The following GRB10 variants were observed in gnomAD, a reference collection of about 807,000 sequenced individuals.
GRB10 encodes growth factor receptor-bound protein 10.
A neutral mutation model predicts 80.9 loss-of-function variants in GRB10; 20 were observed. That is an observed-to-expected ratio of 0.25 (90% CI 0.17 to 0.36). The LOEUF is 0.36. Ranked by LOEUF, GRB10 falls within the 10% of genes least tolerant of loss-of-function variation. The pLI, the probability that GRB10 is intolerant of heterozygous loss-of-function variation, is 1.00. For synonymous variants in GRB10, 291 were observed against 291.5 expected (o/e 1.00, Z 0.02); for missense variants, 548 against 747.7 (o/e 0.73, Z 3.12).
chr7:50,705,159 G>A, intron 4 of GRB10: 1 of 985,656 alleles, frequency 1.0e-6, no homozygotes, highest in South Asian at 4.7e-5. Context: ...AACAGGTTTA[G>A]GTCTGGTCAA....
chr7:50,630,428 C>T (rs1282734582), intron 7 of GRB10, among the ~76,000 whole-genome samples: 1 of 152,202 alleles, frequency 6.6e-6, no homozygotes, highest in Non-Finnish European at 1.5e-5. Flanking sequence ...GAGATACCCT[C>T]TTGAAAAGAT....
At chr7:50,735,323 A>G (rs1013127074) in intron 3 of GRB10, among the ~76,000 whole-genome samples, 1 of 152,258 alleles carries the variant, frequency 6.6e-6, no homozygotes, top group Non-Finnish European at 1.5e-5. Flanking sequence ...ACGGTAAGAC[A>G]TGCTGTGTTG....
At chr7:50,752,372 C>A (rs1465893773) in intron 3 of GRB10, among the ~76,000 whole-genome samples, 2 of 152,164 alleles carry the variant, frequency 1.3e-5, no homozygotes, top group Non-Finnish European at 2.9e-5. Flanking sequence ...ACGGGAAAGG[C>A]TATGGGACAC....
intron 5 of GRB10, among the ~76,000 whole-genome samples, chr7:50,703,480 C>T (rs2064526982): frequency 6.6e-6 from 1 of 152,178 alleles, no homozygotes; most frequent in Non-Finnish European, 1.5e-5. Flanking sequence ...CCAAAACCGT[C>T]TTAATTGGAA....
intron 1 of GRB10, among the ~76,000 whole-genome samples, chr7:50,792,154 G>A (rs753092244): frequency 6.6e-6 from 1 of 152,136 alleles, no homozygotes; most frequent in Non-Finnish European, 1.5e-5. Context: ...AGTGTTCTAG[G>A]CCTGGCCTTT....
chr7:50,690,249 T>C (rs1333030804), intron 5 of GRB10, among the ~76,000 whole-genome samples: 1 of 151,662 alleles, frequency 6.6e-6, no homozygotes, highest in Non-Finnish European at 1.5e-5. Flanking sequence ...TGAGTCAAGA[T>C]CGTGCCACTG....
At chr7:50,686,291 T>C (rs1203418554) in intron 5 of GRB10, among the ~76,000 whole-genome samples, 2 of 152,122 alleles carry the variant, frequency 1.3e-5, no homozygotes, top group African/African-American at 4.8e-5. Context: ...CCATCTGTGA[T>C]GCAGAGGGAG....
At chr7:50,760,055 A>G (rs931108698) in intron 2 of GRB10, among the ~76,000 whole-genome samples, 6 of 152,346 alleles carry the variant, frequency 3.9e-5, no homozygotes, top group African/African-American at 7.2e-5. Flanking sequence ...CCACCAGCCG[A>G]GCAAGCACAA....
intron 9 of GRB10, among the ~76,000 whole-genome samples, chr7:50,618,411 G>C (rs2190500): frequency 0.083 from 12,625 of 152,250 alleles, 792 homozygotes; most frequent in South Asian, 0.13. Flanking sequence ...CCATGGCAAA[G>C]AGCGATGCCA....
intron 7 of GRB10, among the ~76,000 whole-genome samples, chr7:50,666,432 C>T (rs1423617162): frequency 6.6e-6 from 1 of 152,154 alleles, no homozygotes; most frequent in Non-Finnish European, 1.5e-5. Flanking sequence ...CAGAATTTTC[C>T]CTCCCCTCCT....
rs73124719 is a variant in GRB10 at position 50,729,838 on chromosome 7, T to C, written c.51+2434A>G. Among the ~76,000 whole-genome samples, 1,441 of 151,436 alleles carry C rather than the reference T, an allele frequency of 9.5e-3. 16 individuals are homozygous for C. The highest frequency in any genetic ancestry group is 0.017 in the Non-Finnish European group (1,120 of 67,872). ...TCACTTGCCAGTTGTTCCATGTCTG[T>C]CTCCTCCACTGGAATCCAGGAGCCC... On this transcript the variant is annotated intron_variant, in intron 4 of 18. Coordinates refer to ENST00000401949, the MANE Select transcript of GRB10 (RefSeq NM_001350814.2).
intron 4 of GRB10, among the ~76,000 whole-genome samples, chr7:50,726,261 G>T (rs1166696168): frequency 6.6e-6 from 1 of 152,116 alleles, no homozygotes; most frequent in Non-Finnish European, 1.5e-5. Context: ...AGCCAGGTGT[G>T]ATGGTGCATG....
At chr7:50,792,071 TG>T (rs1338014238) in intron 1 of GRB10, among the ~76,000 whole-genome samples, 1 of 152,140 alleles carries the variant, frequency 6.6e-6, no homozygotes, top group Non-Finnish European at 1.5e-5. Flanking sequence ...TAAAACTGCT[TG>T]AAACTTTAAA....
chr7:50,725,385 C>T (rs573749197), intron 4 of GRB10, among the ~76,000 whole-genome samples: 2 of 152,330 alleles, frequency 1.3e-5, no homozygotes, highest in Admixed American at 6.5e-5. Flanking sequence ...GGCTGCGGAA[C>T]TATGAGTCAA....
At position 50,666,091 on chromosome 7, in the gene GRB10, G is replaced by A. The variant is rs139249759; in HGVS notation, c.504+3631C>T. 6.6e-5 allele frequency among the ~76,000 whole-genome samples: 10 copies of A among 152,328 alleles called. No individual in the cohort carries two copies. The East Asian group carries it at 7.7e-4, about 12-fold the overall frequency. ...GCTCTGGGATCCCCAGGGAGAGGAC[G>A]CAAGGCAGCTGGGGAAGACCTCCCT... On this transcript the variant is annotated intron_variant, in intron 7 of 18. Transcript: ENST00000401949.
intron 7 of GRB10, among the ~76,000 whole-genome samples, chr7:50,636,576 C>A (rs574954339): frequency 1.3e-5 from 2 of 152,192 alleles, no homozygotes; most frequent in African/African-American, 4.8e-5. Context: ...GATAGTTTGA[C>A]ATCTGCAGAT....
chr7:50,609,493 A>C (rs912029363), intron 13 of GRB10, among the ~76,000 whole-genome samples: 8 of 152,224 alleles, frequency 5.3e-5, no homozygotes, highest in African/African-American at 1.9e-4. Context: ...TATTTTATTC[A>C]CATGTTTGCA....
rs1255765820 is a variant in GRB10, at chr7:50,676,290, G to C, written c.140-1632C>G. On this transcript the variant is annotated intron_variant, in intron 5 of 18. Coordinates refer to ENST00000401949, the MANE Select transcript of GRB10 (RefSeq NM_001350814.2). The stretch of plus-strand genomic sequence containing the variant: ...AGGACGTGGGCTTCCTATTTCTTAA[G>C]AGTCCTCAACTCTAACATGAGCTTA... Among the ~76,000 whole-genome samples, 6 of 141,098 alleles carry C rather than the reference G, an allele frequency of 4.3e-5. No homozygotes were observed. In the Admixed American group the frequency reaches 4.5e-4, roughly 11 times the overall value. The allele number at this position is 141,098 out of a possible 152,430, so 92.6% of individuals were successfully genotyped here. A position where few individuals can be genotyped will look rare whatever the true frequency, so the allele number is the denominator to read the frequency against.
At chr7:50,657,286 T>C (rs900648337) in intron 7 of GRB10, among the ~76,000 whole-genome samples, 2 of 152,204 alleles carry the variant, frequency 1.3e-5, no homozygotes, top group African/African-American at 4.8e-5. Context: ...GCCAGTTCAA[T>C]GGTCAGAGTC....
Sources: allele counts gnomAD v4.1 joint callset (sites outside exome capture counted in the v4.1 genomes callset), GRCh38; gene constraint gnomAD v4.1.1; transcripts MANE v1.5; gene names NCBI Gene and HGNC (gene_info 2026-07-23, HGNC 2026-07-21).